The following PITPNC1 variants were observed in gnomAD, a reference collection of about 807,000 sequenced individuals.
The protein encoded by PITPNC1 is cytoplasmic phosphatidylinositol transfer protein 1.
A neutral mutation model predicts 44.7 loss-of-function variants in PITPNC1; 18 were observed. The ratio of observed to expected loss-of-function variants is 0.40; its 90% CI spans 0.28 to 0.60. The LOEUF (loss-of-function observed/expected upper bound fraction) is 0.60, where lower values mean the gene tolerates loss of function less well. PITPNC1 is among the 20% of genes least tolerant of loss of function. PITPNC1 has a pLI of 0.39. For synonymous variants in PITPNC1, 141 were observed against 149.6 expected (o/e 0.94, Z 0.42); for missense variants, 290 against 418.4 (o/e 0.69, Z 2.68).
chr17:67,563,163 G>T (rs1473893727), intron 4 of PITPNC1, among the ~76,000 whole-genome samples: 1 of 152,190 alleles, frequency 6.6e-6, no homozygotes, highest in Non-Finnish European at 1.5e-5. Context: ...CCCATCTTAA[G>T]TTGCAATTCC....
At chr17:67,535,611 A>G (rs1436043502) in intron 2 of PITPNC1, among the ~76,000 whole-genome samples, 1 of 152,222 alleles carries the variant, frequency 6.6e-6, no homozygotes, top group Non-Finnish European at 1.5e-5. Flanking sequence ...GTAAGAGGGA[A>G]ATTTGTTATA....
At chr17:67,443,989 GCC>G in intron 1 of PITPNC1, among the ~76,000 whole-genome samples, 2 of 151,954 alleles carry the variant, frequency 1.3e-5, no homozygotes, top group African/African-American at 4.8e-5. Flanking sequence ...CTTGTCATTA[GCC>G]AGCTTTACAA....
rs574122000 is a variant in PITPNC1 at position 67,444,252 on chromosome 17, C to A, written c.48+66050C>A. 7.2e-5 allele frequency among the ~76,000 whole-genome samples: 11 copies of A among 152,064 alleles called. No homozygotes were observed. The South Asian group carries it at 2.3e-3, about 32-fold the overall frequency. On this transcript the variant is annotated intron_variant, in intron 1 of 8. Transcript: ENST00000581322. ...ACATTGTAATTGATTGCAAACTCACCATGAACCTGGTGGAAAGAAGAGATC... is the reference window on the plus strand; with the variant it reads ...ACATTGTAATTGATTGCAAACTCACAATGAACCTGGTGGAAAGAAGAGATC...
intron 6 of PITPNC1, among the ~76,000 whole-genome samples, chr17:67,661,292 C>T (rs570809576): frequency 2.1e-4 from 32 of 152,164 alleles, no homozygotes; most frequent in African/African-American, 5.8e-4. Context: ...GTCAAGGTCA[C>T]GAGCCCCTCC....
intron 5 of PITPNC1, among the ~76,000 whole-genome samples, chr17:67,588,703 T>C (rs1378043046): frequency 6.6e-6 from 1 of 152,176 alleles, no homozygotes; most frequent in Non-Finnish European, 1.5e-5. Context: ...ACAACTGCAT[T>C]TGTATTTGTA....
chr17:67,467,054 A>ATTTTTTTTTTTTT (rs10623552), intron 1 of PITPNC1, among the ~76,000 whole-genome samples: 1 of 95,356 alleles, frequency 1.0e-5, no homozygotes, highest in Non-Finnish European at 2.0e-5. Context: ...CAGTTAGGAG[A>ATTTTTTTTTTTTT]TTTTTTTTTT....
intron 6 of PITPNC1, among the ~76,000 whole-genome samples, chr17:67,636,654 C>T (rs1035620965): frequency 6.6e-6 from 1 of 152,176 alleles, no homozygotes; most frequent in East Asian, 1.9e-4. Context: ...GCGACTCCCT[C>T]GTAACCCCAG....
chr17:67,663,866 C>T (rs185672740), intron 6 of PITPNC1, among the ~76,000 whole-genome samples: 48 of 152,294 alleles, frequency 3.2e-4, no homozygotes, highest in Non-Finnish European at 5.3e-4. Flanking sequence ...AACCTGCTTC[C>T]GCCCTAGACC....
intron 4 of PITPNC1, among the ~76,000 whole-genome samples, chr17:67,561,317 G>A (rs749925265): frequency 6.6e-6 from 1 of 152,094 alleles, no homozygotes; most frequent in Non-Finnish European, 1.5e-5. Flanking sequence ...TTAGCTGGGC[G>A]TGGTGGTGTG....
chr17:67,392,238 T>G (rs2038149116), intron 1 of PITPNC1, among the ~76,000 whole-genome samples: 1 of 152,164 alleles, frequency 6.6e-6, no homozygotes, highest in Non-Finnish European at 1.5e-5. Context: ...TTGGAAGGTA[T>G]TAAAAATGAT....
At chr17:67,393,457 C>A (rs2038169005) in intron 1 of PITPNC1, among the ~76,000 whole-genome samples, 1 of 151,556 alleles carries the variant, frequency 6.6e-6, no homozygotes, top group Non-Finnish European at 1.5e-5. Context: ...TTCATCGTTT[C>A]TTGAAATAAA....
rs531201717 is a variant in PITPNC1, at chr17:67,499,826, C to T, written c.49-32976C>T. Among the ~76,000 whole-genome samples the T allele has an allele frequency of 3.3e-5, 5 of 152,312 alleles. No homozygotes were observed. The South Asian group carries it at 1.0e-3, about 32-fold the overall frequency. On this transcript the variant is annotated intron_variant, in intron 1 of 8. Coordinates refer to ENST00000581322, the MANE Select transcript of PITPNC1 (RefSeq NM_012417.4). ...ATAGGTGCGTAGTAGGCTACACCAT[C>T]TAGGTTTGTGTAAGAACATTCTATG...
intron 1 of PITPNC1, among the ~76,000 whole-genome samples, chr17:67,478,121 G>A (rs2039656149): frequency 1.3e-5 from 2 of 152,230 alleles, no homozygotes; most frequent in East Asian, 1.9e-4. Context: ...TTCTGAAATA[G>A]AAGGTACTCA....
At chr17:67,625,216 CA>C (rs1198953275) in intron 5 of PITPNC1, among the ~76,000 whole-genome samples, 1 of 152,114 alleles carries the variant, frequency 6.6e-6, no homozygotes, top group Non-Finnish European at 1.5e-5. Context: ...AACATTATTA[CA>C]GGTGATATAG....
intron 1 of PITPNC1, among the ~76,000 whole-genome samples, chr17:67,424,155 C>T (rs2038710699): frequency 6.9e-6 from 1 of 145,980 alleles, no homozygotes; most frequent in South Asian, 2.2e-4. Context: ...ATGGGATGGA[C>T]AGAGAAAAAG....
Position 67,578,234 on chromosome 17 carries a change from G to A in PITPNC1, c.343G>A (p.Asp115Asn). 6.2e-7 allele frequency: 1 copy of A among 1,612,694 alleles called. No homozygotes were observed. The highest frequency in any genetic ancestry group is 8.5e-7 in the Non-Finnish European group (1 of 1,179,078). The change falls in exon 5 of 9, where the codon GAC becomes AAC. Residue 115 changes from aspartate to asparagine, a missense_variant. By Grantham distance (23) the Asp-to-Asn change is conservative. Transcript: ENST00000581322. ...CATTCATATAGAAACCAAGTATGAG[G>A]ACAACAAAGGAAGCAATGACACCGT... ...FSIHIETKYE[D>N]NKGSNDTIFD...
chr17:67,530,514 T>C (rs867444996), intron 1 of PITPNC1, among the ~76,000 whole-genome samples: 71 of 152,198 alleles, frequency 4.7e-4, no homozygotes, highest in African/African-American at 1.6e-3. Context: ...GGGCCTACCC[T>C]AATGACCTCA....
intron 4 of PITPNC1, among the ~76,000 whole-genome samples, chr17:67,557,062 C>T (rs1244717996): frequency 6.6e-6 from 1 of 152,178 alleles, no homozygotes; most frequent in East Asian, 1.9e-4. Context: ...TCTAATGAAA[C>T]ACCACAGACT....
chr17:67,486,261 T>C (rs2039776547), intron 1 of PITPNC1, among the ~76,000 whole-genome samples: 1 of 151,860 alleles, frequency 6.6e-6, no homozygotes, highest in Non-Finnish European at 1.5e-5. Flanking sequence ...TCTTGGGCTA[T>C]ATATATATAA....
Sources: allele counts gnomAD v4.1 joint callset (sites outside exome capture counted in the v4.1 genomes callset), GRCh38; gene constraint gnomAD v4.1.1; transcripts MANE v1.5; gene names NCBI Gene and HGNC (gene_info 2026-07-23, HGNC 2026-07-21).